The following BICDL1 variants were observed in gnomAD, a reference collection of about 807,000 sequenced individuals.
BICDL1 encodes the protein BICD family like cargo adaptor 1, also known as BICD family-like cargo adapter 1.
BICDL1 carries 20 observed loss-of-function variants against 76.8 expected under a neutral mutation model. The observed-to-expected ratio is 0.26, with a 90% confidence interval of 0.18 to 0.38. The LOEUF (loss-of-function observed/expected upper bound fraction) is 0.38. Ranked by LOEUF, BICDL1 falls within the 10% of genes least tolerant of loss-of-function variation. The pLI is 1.00. For missense variants in BICDL1, 700 were observed against 798.6 expected, an observed-to-expected ratio of 0.88 and a Z score of 1.49; for synonymous variants, 383 against 337.1, an observed-to-expected ratio of 1.14 and a Z score of -1.49.
intron 2 of BICDL1, among the ~76,000 whole-genome samples, chr12:120,050,790 G>A (rs188518333): frequency 6.6e-6 from 1 of 151,016 alleles, no homozygotes; most frequent in Non-Finnish European, 1.5e-5. Context: ...TAACAGTTGT[G>A]TGCCACGCAC....
chr12:120,048,815 T>C (rs1952798954), intron 2 of BICDL1, among the ~76,000 whole-genome samples: 2 of 152,226 alleles, frequency 1.3e-5, no homozygotes, highest in African/African-American at 4.8e-5. Flanking sequence ...TATTAAACTT[T>C]TGTTGACATT....
rs761040517 is a variant in BICDL1, at chr12:119,991,315, G to C, written c.429+1018G>C. The stretch of plus-strand genomic sequence containing the variant: ...GAGGTTTGAAATTGACCCTAGTCAG[G>C]TTCCGTATCTCTGCTACTGGTTGAA... On this transcript the variant is annotated intron_variant, in intron 1 of 9. Coordinates refer to ENST00000548673, the MANE Select transcript of BICDL1 (RefSeq NM_001367886.1). 3.9e-5 allele frequency among the ~76,000 whole-genome samples: 6 copies of C among 152,214 alleles called. No homozygotes were observed. In the South Asian group the frequency reaches 8.3e-4, roughly 21 times the overall value.
intron 8 of BICDL1, among the ~76,000 whole-genome samples, chr12:120,081,782 G>T (rs1303265062): frequency 6.7e-6 from 1 of 150,170 alleles, no homozygotes; most frequent in Non-Finnish European, 1.5e-5. Flanking sequence ...TCATCTCTCA[G>T]CCTCAATACT....
chr12:120,081,085 A>G (rs1873934922), intron 8 of BICDL1, 68 bp downstream of exon 8: 2 of 1,498,766 alleles, frequency 1.3e-6, no homozygotes, highest in Non-Finnish European at 1.8e-6. Context: ...CATATGCTCA[A>G]TTTTTTAAAT....
chr12:120,013,331 A>G (rs913477067), intron 2 of BICDL1, among the ~76,000 whole-genome samples: 5 of 148,902 alleles, frequency 3.4e-5, no homozygotes, highest in East Asian at 4.0e-4. Context: ...AAAAAAAATT[A>G]TAAAGCCTGT....
intron 2 of BICDL1, among the ~76,000 whole-genome samples, chr12:120,050,489 G>T (rs75813332): frequency 5.3e-4 from 81 of 151,780 alleles, no homozygotes; most frequent in Non-Finnish European, 1.1e-3. Context: ...GGATGGTCTC[G>T]ATCTCCTGAC....
intron 2 of BICDL1, among the ~76,000 whole-genome samples, chr12:120,040,816 C>T (rs982069502): frequency 3.4e-5 from 5 of 148,900 alleles, no homozygotes; most frequent in African/African-American, 1.3e-4. Context: ...GGCATGATCC[C>T]GGCTCACTGC....
At chr12:120,092,609 G>A in intron 9 of BICDL1, 1 of 985,474 alleles carries the variant, frequency 1.0e-6, no homozygotes, top group African/African-American at 1.7e-5. Flanking sequence ...GGCTGGGGGT[G>A]GCAAGCCAAA....
At chr12:120,025,517 C>T (rs1419902046) in intron 2 of BICDL1, among the ~76,000 whole-genome samples, 1 of 152,168 alleles carries the variant, frequency 6.6e-6, no homozygotes, top group South Asian at 2.1e-4. Flanking sequence ...CTCTCTTCAG[C>T]TCGCTCAACC....
In BICDL1 at chr12:120,071,719, G is replaced by C; in HGVS notation, c.1007G>C (p.Ser336Thr). The C allele has an allele frequency of 6.2e-7, 1 of 1,612,524 alleles. No individual in the cohort carries two copies. Among genetic ancestry groups the C allele is most frequent in the Non-Finnish European group, 8.5e-7 (1 of 1,179,904 alleles). ...EELTEERSLQSSAATSTSLLS... is the reference protein window; with the variant it reads ...EELTEERSLQTSAATSTSLLS... ...CTCACTGAGGAGAGGAGTCTGCAGA[G>C]CTCTGCCGCCACCAGCACATCCCTC... is the stretch of plus-strand genomic sequence containing the variant. Residue 336 changes from serine to threonine, a missense_variant, in exon 5 of 10, where the codon AGC (serine) becomes ACC (threonine). Ser to Thr is a moderately conservative substitution (Grantham distance 58). Around this residue, in one of 3 missense-constraint regions of BICDL1, gnomAD observed 455 missense variants for 548.7 expected, o/e 0.83. Transcript: ENST00000548673. This position sits in a 1 kb window ranked among gnomAD's most constrained non-coding sequence, Gnocchi z 4.8.
At chr12:120,033,837 T>G (rs1459199135) in intron 2 of BICDL1, among the ~76,000 whole-genome samples, 1 of 152,210 alleles carries the variant, frequency 6.6e-6, no homozygotes, top group Non-Finnish European at 1.5e-5. Flanking sequence ...CCAGAAGATG[T>G]GCACTTCTGA....
In BICDL1 at chr12:119,989,686, C is replaced by G. The variant is rs1157803116; in HGVS notation, c.-183C>G. Among the ~76,000 whole-genome samples the G allele has an allele frequency of 1.4e-5, 2 of 146,368 alleles. No homozygotes were observed. Among genetic ancestry groups the G allele is most frequent in the Non-Finnish European group, 3.0e-5 (2 of 65,902 alleles). The stretch of plus-strand genomic sequence containing the variant: ...CCGGGGGCGGGGGAGGGGGCGCGTG[C>G]CGCCGGCGCGGGGGAGGGGCGGGCC... On this transcript the variant is annotated 5_prime_UTR_variant, in exon 1 of 10. Coordinates refer to ENST00000548673, the MANE Select transcript of BICDL1 (RefSeq NM_001367886.1).
At position 119,990,535 on chromosome 12, in the gene BICDL1, CTA is replaced by C. The variant is rs199975611; in HGVS notation, c.429+243_429+244del. On this transcript the variant is annotated intron_variant, in intron 1 of 9. Transcript: ENST00000548673. ...GTGGCTCCAGCCGCTGTGGGCCGTT[CTA>C]TATACGTACTGTACCCAGCATCTAA... Among the ~76,000 whole-genome samples the C allele has an allele frequency of 7.8e-3, 1,193 of 152,322 alleles. 16 individuals carry two copies. The highest frequency in any genetic ancestry group is 0.026 in the African/African-American group (1,088 of 41,580).
At chr12:120,062,228 C>T (rs768090950) in intron 3 of BICDL1, among the ~76,000 whole-genome samples, 4 of 152,042 alleles carry the variant, frequency 2.6e-5, no homozygotes, top group African/African-American at 7.2e-5. Context: ...CAGGTTTTTG[C>T]AAGGATATTA....
chr12:120,015,083 G>A (rs1952033233), intron 2 of BICDL1, among the ~76,000 whole-genome samples: 1 of 152,078 alleles, frequency 6.6e-6, no homozygotes, highest in Admixed American at 6.6e-5. Context: ...ATTCAAGATG[G>A]ATCTTCCCTC....
At chr12:120,073,558 C>T (rs983877971) in intron 6 of BICDL1, among the ~76,000 whole-genome samples, 8 of 152,168 alleles carry the variant, frequency 5.3e-5, no homozygotes, top group Admixed American at 2.6e-4. Flanking sequence ...GGACTGTTCC[C>T]GTGGGCATCC....
At chr12:119,998,928 C>T (rs1180900081) in intron 2 of BICDL1, among the ~76,000 whole-genome samples, 192 bp downstream of exon 2, 2 of 151,864 alleles carry the variant, frequency 1.3e-5, no homozygotes, top group East Asian at 3.9e-4. Flanking sequence ...ATGGTGGCAC[C>T]TGCCTGTGGT....
intron 5 of BICDL1, 113 bp from the exon 6 acceptor site, chr12:120,072,398 C>A: frequency 1.1e-6 from 1 of 943,448 alleles, no homozygotes; most frequent in Non-Finnish European, 1.6e-6. Context: ...AAAACCCTTT[C>A]TTCTAGAACT....
At chr12:120,019,237 G>A (rs1183615628) in intron 2 of BICDL1, 2 of 151,872 alleles carry the variant, frequency 1.3e-5, no homozygotes, top group African/African-American at 4.8e-5. Context: ...CTCCAACCTG[G>A]GCATCATAGT....
Sources: allele counts gnomAD v4.1 joint callset (sites outside exome capture counted in the v4.1 genomes callset), GRCh38; gene constraint gnomAD v4.1.1; regional missense constraint gnomAD v4.1.1; non-coding constraint Gnocchi (gnomAD v3.1); transcripts MANE v1.5; gene names NCBI Gene and HGNC (gene_info 2026-07-23, HGNC 2026-07-21).